Variants in EVC2 observed in about 807,000 individuals in gnomAD.
EVC2 encodes the protein EvC ciliary complex subunit 2.
A neutral mutation model predicts 149.3 loss-of-function variants in EVC2; 148 were observed. That is an observed-to-expected ratio of 0.99 (90% CI 0.87 to 1.14). The LOEUF (loss-of-function observed/expected upper bound fraction) is 1.14. Among genes scored for constraint, EVC2 ranks in the 50% most tolerant of loss-of-function variants. EVC2 has a pLI of 0.00. For synonymous variants in EVC2, 776 were observed against 649.9 expected (o/e 1.19, Z -2.95); for missense variants, 1,854 against 1,627.3 (o/e 1.14, Z -2.40).
rs527435214 is a variant in EVC2 at position 5,590,557 on chromosome 4, C to T, written c.2830-5707G>A. Among the ~76,000 whole-genome samples the T allele has an allele frequency of 3.3e-5, 5 of 152,290 alleles. No homozygotes were observed. In the South Asian group the frequency reaches 1.0e-3, roughly 32 times the overall value. On this transcript the variant is annotated intron_variant, in intron 16 of 21. Coordinates refer to ENST00000344408, the MANE Select transcript of EVC2 (RefSeq NM_147127.5). ...CCCAATATCAACCAACTGCCTGACA[C>T]TGCCCCTCCTTTTTGCTGTTTTGAC...
chr4:5,574,003 G>C (rs968109412), intron 19 of EVC2, among the ~76,000 whole-genome samples: 8 of 152,346 alleles, frequency 5.3e-5, no homozygotes, highest in South Asian at 2.1e-4. Context: ...GGAACTGTGA[G>C]AAGGAACTGT....
intron 16 of EVC2, among the ~76,000 whole-genome samples, chr4:5,602,291 T>TAAAAAAAA (rs571933194): frequency 9.8e-5 from 8 of 81,704 alleles, no homozygotes; most frequent in African/African-American, 2.5e-4. Context: ...CATTGCCTCT[T>TAAAAAAAA]AAAAAAAAAA....
chr4:5,695,371 G>T (rs77068908), intron 2 of EVC2, among the ~76,000 whole-genome samples: 2 of 151,214 alleles, frequency 1.3e-5, no homozygotes, highest in Admixed American at 6.6e-5. Context: ...AAAAAAAAAA[G>T]AAGAAAGAAA....
chr4:5,612,572 T>C (rs530990054), intron 16 of EVC2, among the ~76,000 whole-genome samples: 119 of 152,190 alleles, frequency 7.8e-4, no homozygotes, highest in African/African-American at 2.7e-3. Flanking sequence ...GCCTGCTGCA[T>C]GTATCTATGC....
chr4:5,692,953 T>C (rs1721226151), intron 3 of EVC2, among the ~76,000 whole-genome samples: 1 of 148,448 alleles, frequency 6.7e-6, no homozygotes, highest in Non-Finnish European at 1.5e-5. Context: ...TGCAACAGCA[T>C]CAGCCTGACC....
the EVC2 span, among the ~76,000 whole-genome samples, chr4:5,534,174 C>T: frequency 6.6e-6 from 1 of 152,278 alleles, no homozygotes; most frequent in South Asian, 2.1e-4. Context: ...TGCCTGGCAC[C>T]TCAATTTTTC....
intron 2 of EVC2, among the ~76,000 whole-genome samples, chr4:5,697,153 G>A (rs182075675): frequency 3.3e-5 from 5 of 152,330 alleles, no homozygotes; most frequent in Admixed American, 2.6e-4. Context: ...AATTGGTTTC[G>A]CTTCTGGAAC....
intron 9 of EVC2, among the ~76,000 whole-genome samples, chr4:5,650,626 TATATATATATATAGAGAG>T (rs1212006148): frequency 2.5e-4 from 21 of 83,250 alleles, no homozygotes; most frequent in African/African-American, 7.6e-4. Flanking sequence ...TATATATATA[TATATATATATATAGAGAG>T]AGAGAGAGAG....
At chr4:5,568,163 G>A (rs970038116) in intron 20 of EVC2, among the ~76,000 whole-genome samples, 4 of 151,982 alleles carry the variant, frequency 2.6e-5, no homozygotes, top group African/African-American at 9.7e-5. Flanking sequence ...AATGTAACAG[G>A]ATGCTAGCAG....
rs925326099 is a variant in EVC2, at chr4:5,696,657, G to A, written c.283+936C>T. 2.0e-5 allele frequency among the ~76,000 whole-genome samples: 3 copies of A among 152,180 alleles called. No individual in the cohort carries two copies. The highest frequency in any genetic ancestry group is 6.5e-5 in the Admixed American group (1 of 15,284). ...GATGCTCACCAGAGGAAAGCAGGGC[G>A]GCTGAGAGGGAAGGAGAAAGGCAGA... is the stretch of plus-strand genomic sequence containing the variant. On this transcript the variant is annotated intron_variant, in intron 2 of 21. Transcript: ENST00000344408. This position sits in a 1 kb window ranked among gnomAD's most constrained non-coding sequence, Gnocchi z 4.1.
intron 14 of EVC2, among the ~76,000 whole-genome samples, chr4:5,619,541 C>T (rs1715527621): frequency 6.6e-6 from 1 of 152,182 alleles, no homozygotes; most frequent in South Asian, 2.1e-4. Context: ...CTGCCAATGC[C>T]TTGATCTTGG....
At position 5,679,658 on chromosome 4, in the gene EVC2, T is replaced by G. The variant is rs991782974; in HGVS notation, c.870+1602A>C. 4.6e-5 allele frequency among the ~76,000 whole-genome samples: 7 copies of G among 152,180 alleles called. No homozygotes were observed. In the East Asian group the frequency reaches 1.3e-3, roughly 29 times the overall value. On this transcript the variant is annotated intron_variant, in intron 7 of 21. Transcript: ENST00000344408. The surrounding 1 kb of genome is among the most constrained non-coding windows in gnomAD (Gnocchi z 5.1). ...TTTACTTTAAGTTCTGGGATACATATGCAGAACGTGCAGGTTTGTTACATA... is the reference window on the plus strand; with the variant it reads ...TTTACTTTAAGTTCTGGGATACATAGGCAGAACGTGCAGGTTTGTTACATA...
At chr4:5,627,493 G>A (rs1716201875) in intron 12 of EVC2, among the ~76,000 whole-genome samples, 1 of 152,194 alleles carries the variant, frequency 6.6e-6, no homozygotes, top group Non-Finnish European at 1.5e-5. Context: ...ATTAAACAGA[G>A]CAGGAGAGGG....
At chr4:5,599,389 C>T (rs897480449) in intron 16 of EVC2, among the ~76,000 whole-genome samples, 21 of 151,956 alleles carry the variant, frequency 1.4e-4, no homozygotes, top group African/African-American at 5.1e-4. Flanking sequence ...TACTATGCAG[C>T]CATAAAAAAT....
chr4:5,654,564 G>A (rs556791961), intron 9 of EVC2, among the ~76,000 whole-genome samples: 104 of 152,318 alleles, frequency 6.8e-4, no homozygotes, highest in African/African-American at 2.5e-3. Context: ...GGTGGGCAAT[G>A]GCAGTGCAGG....
intron 17 of EVC2, among the ~76,000 whole-genome samples, chr4:5,581,093 T>C (rs1360135035): frequency 2.0e-5 from 3 of 152,262 alleles, no homozygotes; most frequent in Non-Finnish European, 4.4e-5. Context: ...TCATGCTTCC[T>C]GTACAGCCTG....
chr4:5,549,824 A>C (rs1024603805), intron 21 of EVC2, among the ~76,000 whole-genome samples: 1 of 152,066 alleles, frequency 6.6e-6, no homozygotes, highest in Non-Finnish European at 1.5e-5. Flanking sequence ...CCCCAAATCT[A>C]ATCTTGAATT....
At chr4:5,632,610 A>T (rs1204618996) in intron 10 of EVC2, among the ~76,000 whole-genome samples, 1 of 152,122 alleles carries the variant, frequency 6.6e-6, no homozygotes, top group Non-Finnish European at 1.5e-5. Flanking sequence ...TTCATTCTCA[A>T]CTTCACTGAA....
Position 5,640,233 on chromosome 4 carries a change from G to A in EVC2, c.1470+281C>T, listed in dbSNP as rs1345377857. On this transcript the variant is annotated intron_variant, in intron 10 of 21. Coordinates refer to ENST00000344408, the MANE Select transcript of EVC2 (RefSeq NM_147127.5). This position sits in a 1 kb window ranked among gnomAD's most constrained non-coding sequence, Gnocchi z 4.6. ...TGTGTAGATGGACAGATGGGTGAAT[G>A]AGTGGGTGGATGAATGGATAGGTGC... Among the ~76,000 whole-genome samples the A allele has an allele frequency of 6.6e-6, 1 of 151,722 alleles. No homozygotes were observed. Among genetic ancestry groups the A allele is most frequent in the Non-Finnish European group, 1.5e-5 (1 of 67,924 alleles).
Sources: gnomAD v4.1 joint callset for allele counts (sites outside exome capture counted in the v4.1 genomes callset) on GRCh38, gnomAD v4.1.1 for gene constraint, Gnocchi (gnomAD v3.1) non-coding constraint, MANE v1.5 for transcripts, NCBI Gene and HGNC (gene_info 2026-07-23, HGNC 2026-07-21) for gene names.